SLU7: variants seen among roughly 807,000 people sequenced by gnomAD.
The protein encoded by SLU7 is spliceosome associated SLU7, also known as pre-mRNA-splicing factor SLU7.
Under a neutral mutation model 87.0 loss-of-function variants are expected in SLU7, and 60 were observed. That is an observed-to-expected ratio of 0.69 (90% CI 0.56 to 0.86). The LOEUF is 0.86. Among genes scored for constraint, SLU7 ranks in the 40% least tolerant of loss-of-function variants. The probability of loss-of-function intolerance (pLI) is 0.00; values close to 1 mark genes in which losing one functional copy is unlikely to be tolerated. For missense variants in SLU7, 507 were observed against 686.6 expected, an observed-to-expected ratio of 0.74 and a Z score of 2.92; for synonymous variants, 197 against 222.0, an observed-to-expected ratio of 0.89 and a Z score of 1.00.
At position 160,406,501 on chromosome 5, in the gene SLU7, C is replaced by T; in HGVS notation, c.1254G>A (p.Lys418=). ...KGQERAVACS[K]YEEDVKIHNH... is the part of the protein sequence containing the mutation. ...TGTGGATCTTCACATCCTCCTCATA[C>T]TTAGAGCAGGCAACAGCCCGCTCCT... is the stretch of plus-strand genomic sequence containing the variant. Residue 418 remains lysine (K), a synonymous_variant, in exon 12 of 16, where the codon AAG becomes AAA. Coordinates refer to ENST00000297151, the MANE Select transcript of SLU7 (RefSeq NM_006425.5). 6.2e-7 allele frequency: 1 copy of T among 1,612,984 alleles called. No individual in the cohort carries two copies. The highest frequency in any genetic ancestry group is 8.5e-7 in the Non-Finnish European group (1 of 1,179,606).
chr5:160,403,320 G>A lies in SLU7; in HGVS notation c.1726C>T (p.Pro576Ser), dbSNP rs977095553. The A allele has an allele frequency of 6.8e-6, 11 of 1,610,992 alleles. No individual in the cohort carries two copies. In the Admixed American group the frequency reaches 8.4e-5, roughly 12 times the overall value. The change falls in exon 16 of 16, where the codon CCA becomes TCA. Residue 576 changes from proline to serine, a missense_variant. Physicochemically the swap from Pro to Ser is moderately conservative, Grantham distance 74. This residue lies in a region of SLU7 where 201 missense variants were observed against 213.4 expected (regional missense o/e 0.94). Transcript: ENST00000297151. ...AGGAAAGAGGCCATGGGGTCATCTG[G>A]CCTCTGACGTTTCATTCTATATGCC... Reference protein sequence around the residue: ...MEAYRMKRQRPDDPMASFLGQ With the variant: ...MEAYRMKRQRSDDPMASFLGQ
rs1453727777 is a variant in SLU7, at chr5:160,402,255, G to A, written c.*1030C>T. On this transcript the variant is annotated 3_prime_UTR_variant, in exon 16 of 16. Transcript: ENST00000297151. ...AATCACAATGAAAACAAACGGTAAT[G>A]TAAACCATATCCTCTATGATAAAGG... 1 of 152,170 alleles carries A rather than the reference G, an allele frequency of 6.6e-6. No homozygotes were observed. Among genetic ancestry groups the A allele is most frequent in the African/African-American group, 2.4e-5 (1 of 41,440 alleles). The allele number at this position is 152,170 out of a possible 1,614,324, so 9.4% of individuals were successfully genotyped here.
chr5:160,403,305 C>A lies in SLU7; in HGVS notation c.1741G>T (p.Ala581Ser). The change falls in exon 16 of 16, where the codon GCC becomes TCC. Residue 581 changes from alanine (A) to serine (S), a missense_variant. Transcript: ENST00000297151. Reference sequence around the variant, plus strand: ...AGTTGCTACTGTCCAAGGAAAGAGGCCATGGGGTCATCTGGCCTCTGACGT... The same window carrying A: ...AGTTGCTACTGTCCAAGGAAAGAGGACATGGGGTCATCTGGCCTCTGACGT... ...MKRQRPDDPM[A>S]SFLGQ 6.2e-7 allele frequency: 1 copy of A among 1,606,408 alleles called. No individual in the cohort carries two copies. The highest frequency in any genetic ancestry group is 2.3e-5 in the East Asian group (1 of 44,302).
intron 1 of SLU7, among the ~76,000 whole-genome samples, chr5:160,415,938 G>A (rs1453490993): frequency 6.6e-6 from 1 of 151,882 alleles, no homozygotes; most frequent in Non-Finnish European, 1.5e-5. Flanking sequence ...TGTTGCCCAG[G>A]CTGGAGTGCA....
Position 160,407,116 on chromosome 5 carries a change from G to T in SLU7, c.1125+360C>A, listed in dbSNP as rs1182063771. ...AGAGGATGAAAGACCACATGGGGTGGAGATGAGCTGTCCCAGAAGAGGTCC... is the reference window on the plus strand; with the variant it reads ...AGAGGATGAAAGACCACATGGGGTGTAGATGAGCTGTCCCAGAAGAGGTCC... On this transcript the variant is annotated intron_variant, in intron 11 of 15. Coordinates refer to ENST00000297151, the MANE Select transcript of SLU7 (RefSeq NM_006425.5). The surrounding 1 kb of genome is among the most constrained non-coding windows in gnomAD (Gnocchi z 4.2). 6.6e-6 allele frequency among the ~76,000 whole-genome samples: 1 copy of T among 152,208 alleles called. No individual in the cohort carries two copies. The highest frequency in any genetic ancestry group is 6.5e-5 in the Admixed American group (1 of 15,288).
At chr5:160,415,363 C>A in intron 1 of SLU7, 53 bp from the exon 2 acceptor site, 1 of 1,302,150 alleles carries the variant, frequency 7.7e-7, no homozygotes, top group South Asian at 1.6e-5. Context: ...TGAATTCACT[C>A]AAACTACCAA....
At chr5:160,412,925 T>C (rs555819787) in intron 5 of SLU7, among the ~76,000 whole-genome samples, 147 of 143,714 alleles carry the variant, frequency 1.0e-3, no homozygotes, top group African/African-American at 3.6e-3. Context: ...CTTATAATTT[T>C]AAAATGATAC....
intron 11 of SLU7, 57 bp from the exon 12 acceptor site, chr5:160,406,686 T>G (rs756385563): frequency 1.8e-5 from 23 of 1,291,556 alleles, no homozygotes; most frequent in Non-Finnish European, 2.4e-5. Context: ...GCATTTAAAT[T>G]TCCAGAAAAC....
At position 160,403,026 on chromosome 5, in the gene SLU7, TA is replaced by T; in HGVS notation, c.*258del. 4.2e-6 allele frequency: 1 copy of T among 240,746 alleles called. No homozygotes were observed. Among genetic ancestry groups the T allele is most frequent in the East Asian group, 7.9e-5 (1 of 12,632 alleles). 14.9% of individuals were successfully genotyped at this position (240,746 alleles called of 1,614,324 possible). On this transcript the variant is annotated 3_prime_UTR_variant, in exon 16 of 16. Transcript: ENST00000297151. ...CAAGACTCCGTCTCAAAAAAAAAAA[TA>T]AATAAATAAAAAAAACTGGAAATAA...
chr5:160,412,254 T>C (rs555858495), intron 6 of SLU7, among the ~76,000 whole-genome samples, 197 bp downstream of exon 6: 1 of 152,284 alleles, frequency 6.6e-6, no homozygotes, highest in African/African-American at 2.4e-5. Flanking sequence ...TAAATATAAA[T>C]AGTGGCAATA....
Position 160,415,312 on chromosome 5 carries a change from T to C in SLU7, c.-16-2A>G. On this transcript the variant is annotated splice_acceptor_variant, in intron 1 of 15. Coordinates refer to ENST00000297151, the MANE Select transcript of SLU7 (RefSeq NM_006425.5). LOFTEE classifies it low-confidence loss of function (5UTR_SPLICE). ...GCTGACATGGTTATCTGGCCTCCTCTAGGAAAAGAAGTGAAACTTACAGTA... is the reference window on the plus strand; with the variant it reads ...GCTGACATGGTTATCTGGCCTCCTCCAGGAAAAGAAGTGAAACTTACAGTA... The C allele has an allele frequency of 6.5e-7, 1 of 1,539,796 alleles. No homozygotes were observed. The highest frequency in any genetic ancestry group is 1.3e-5 in the South Asian group (1 of 78,520).
At position 160,402,248 on chromosome 5, in the gene SLU7, C is replaced by T. The variant is rs571876872; in HGVS notation, c.*1037G>A. ...TAGGGGCAATCACAATGAAAACAAA[C>T]GGTAATGTAAACCATATCCTCTATG... On this transcript the variant is annotated 3_prime_UTR_variant, in exon 16 of 16. Transcript: ENST00000297151. 6.8e-4 allele frequency: 103 copies of T among 152,202 alleles called. No individual in the cohort carries two copies. The highest frequency in any genetic ancestry group is 2.2e-3 in the African/African-American group (93 of 41,518). The allele number at this position is 152,202 out of a possible 1,614,324, so 9.4% of individuals were successfully genotyped here.
In SLU7 at chr5:160,413,358, T is replaced by C. The variant is rs1047869999; in HGVS notation, c.570+98A>G. On this transcript the variant is annotated intron_variant, in intron 5 of 15. Coordinates refer to ENST00000297151, the MANE Select transcript of SLU7 (RefSeq NM_006425.5). ...TACTACTATTATAAAAATGCTACCA[T>C]TTTTAAAGTGCTTCAAGATTTGAAA... 6.4e-6 allele frequency: 7 copies of C among 1,095,502 alleles called. No individual in the cohort carries two copies. In the African/African-American group the frequency reaches 1.1e-4, roughly 17 times the overall value. 67.9% of individuals were successfully genotyped at this position (1,095,502 alleles called of 1,614,324 possible). A position where few individuals can be genotyped will look rare whatever the true frequency, so the allele number is the denominator to read the frequency against.
At chr5:160,412,546 G>C in intron 5 of SLU7, 27 bp from the exon 6 acceptor site, 1 of 709,176 alleles carries the variant, frequency 1.4e-6, no homozygotes, top group Non-Finnish European at 2.0e-6. Context: ...AAGAAAGAAA[G>C]AAAGAAAAAG....
intron 11 of SLU7, 34 bp from the exon 12 acceptor site, chr5:160,406,663 T>C: frequency 6.9e-7 from 1 of 1,457,824 alleles, no homozygotes; most frequent in South Asian, 1.3e-5. Context: ...CAATACATTT[T>C]ACAACCTGAT....
rs200339405 is a variant in SLU7, at chr5:160,405,122, G to A, written c.1301C>T (p.Ser434Leu). ...TCCCCATCGGCCTTCTTTCCAGTAC[G>A]ATCCCCAGATATGCTGCAGAGAGAG... ...KIHNHTHIWG[S>L]YWKEGRWGYK... Residue 434 changes from serine to leucine, a missense_variant, in exon 13 of 16, where the codon TCG becomes TTG. This residue lies in a region of SLU7 where 201 missense variants were observed against 213.4 expected (regional missense o/e 0.94). Coordinates refer to ENST00000297151, the MANE Select transcript of SLU7 (RefSeq NM_006425.5). 15 of 1,610,970 alleles carry A rather than the reference G, an allele frequency of 9.3e-6. No homozygotes were observed. In the Admixed American group the frequency reaches 1.2e-4, roughly 13 times the overall value.
Position 160,414,328 on chromosome 5 carries a change from A to T in SLU7, c.315T>A (p.Gly105=). The change falls in exon 3 of 16, where the codon GGT becomes GGA. Residue 105 remains glycine, a synonymous_variant. Transcript: ENST00000297151. ...FSSSGEWYKR[G]VKENSIITKY... ...CAGGTTGCCTACATACCTCTTTTAC[A>T]CCCCTCTTGTACCATTCTCCAGATG... is the stretch of plus-strand genomic sequence containing the variant. The T allele has an allele frequency of 1.3e-6, 2 of 1,599,508 alleles. No homozygotes were observed. The highest frequency in any genetic ancestry group is 1.7e-6 in the Non-Finnish European group (2 of 1,174,574).
chr5:160,414,033 T>C (rs1765352900), intron 3 of SLU7, 54 bp from the exon 4 acceptor site: 1 of 1,097,556 alleles, frequency 9.1e-7, no homozygotes, highest in Non-Finnish European at 1.3e-6. Context: ...AAGTTAGAAA[T>C]AACTTTGACT....
chr5:160,408,830 ATAT>A (rs10549117), intron 6 of SLU7, 133 bp from the exon 7 acceptor site: 55,219 of 168,286 alleles, frequency 0.33, 9,363 homozygotes, highest in South Asian at 0.39. Flanking sequence ...ATTTTATTAT[ATAT>A]TATATTTATA....
Sources: gnomAD v4.1 joint callset for allele counts (sites outside exome capture counted in the v4.1 genomes callset) on GRCh38, gnomAD v4.1.1 for gene constraint, gnomAD v4.1.1 regional missense constraint, Gnocchi (gnomAD v3.1) non-coding constraint, MANE v1.5 for transcripts, NCBI Gene and HGNC (gene_info 2026-07-23, HGNC 2026-07-21) for gene names.